CELA2B: variants seen among roughly 807,000 people sequenced by gnomAD.
CELA2B encodes the protein chymotrypsin like elastase 2B.
Under a neutral mutation model 36.5 loss-of-function variants are expected in CELA2B, and 27 were observed. The ratio of observed to expected loss-of-function variants is 0.74; its 90% CI spans 0.55 to 1.02. The LOEUF (loss-of-function observed/expected upper bound fraction) is 1.02. CELA2B is among the 50% of genes least tolerant of loss of function. CELA2B has a pLI of 0.00. For synonymous variants in CELA2B, 143 were observed against 148.5 expected (o/e 0.96, Z 0.27); for missense variants, 340 against 347.8 (o/e 0.98, Z 0.18).
Position 15,481,141 on chromosome 1 carries a change from G to A in CELA2B, c.173G>A (p.Cys58Tyr), listed in dbSNP as rs762018574. 5.6e-6 allele frequency: 9 copies of A among 1,613,480 alleles called. No homozygotes were observed. Among genetic ancestry groups the A allele is most frequent in the Non-Finnish European group, 5.9e-6 (7 of 1,180,036 alleles). ...TCCAATGGCCAGTGGTACCACACCT[G>A]CGGAGGGTCCCTGATAGCCAACAGC... is the stretch of plus-strand genomic sequence containing the variant. The part of the protein sequence containing the change: ...YSSNGQWYHT[C>Y]GGSLIANSWV... Residue 58 changes from cysteine (C) to tyrosine (Y), a missense_variant, in exon 3 of 8, where the codon TGC (cysteine) becomes TAC (tyrosine). Coordinates refer to ENST00000375910, the MANE Select transcript of CELA2B (RefSeq NM_015849.3).
chr1:15,481,455 T>C (rs1708741161), intron 3 of CELA2B, among the ~76,000 whole-genome samples: 2 of 152,198 alleles, frequency 1.3e-5, no homozygotes, highest in Admixed American at 6.5e-5. Flanking sequence ...CTCTGCCCTC[T>C]TGGGGAAACT....
intron 7 of CELA2B, among the ~76,000 whole-genome samples, chr1:15,490,434 A>G (rs1401979471): frequency 1.3e-5 from 2 of 152,248 alleles, no homozygotes; most frequent in Non-Finnish European, 2.9e-5. Flanking sequence ...TAATGAATGC[A>G]GCTTTCATGT....
intron 2 of CELA2B, among the ~76,000 whole-genome samples, chr1:15,479,779 A>T (rs144621139): frequency 7.6e-4 from 115 of 152,304 alleles, no homozygotes; most frequent in South Asian, 1.7e-3. Flanking sequence ...AGAGACTGAC[A>T]GGAAGTGAAG....
intron 4 of CELA2B, among the ~76,000 whole-genome samples, chr1:15,482,950 G>A: frequency 6.6e-6 from 1 of 152,006 alleles, no homozygotes; most frequent in Non-Finnish European, 1.5e-5. Flanking sequence ...CACAGGCCCG[G>A]CTAATCTTTT....
At position 15,481,006 on chromosome 1, in the gene CELA2B, C is replaced by T. The variant is rs988025561; in HGVS notation, c.130-92C>T. The T allele has an allele frequency of 3.2e-5, 46 of 1,448,630 alleles. No homozygotes were observed. In the African/African-American group the frequency reaches 6.0e-4, roughly 19 times the overall value. 89.7% of individuals were successfully genotyped at this position (1,448,630 alleles called of 1,614,324 possible). ...ACCTGAGGTGAGTGCCTCACTCCCC[C>T]TTACCCTTGTCCCAGCCCCGTTCTT... On this transcript the variant is annotated intron_variant, in intron 2 of 7. Coordinates refer to ENST00000375910, the MANE Select transcript of CELA2B (RefSeq NM_015849.3).
intron 7 of CELA2B, among the ~76,000 whole-genome samples, chr1:15,488,655 T>C (rs1383940110): frequency 1.3e-5 from 2 of 152,236 alleles, no homozygotes; most frequent in Non-Finnish European, 2.9e-5. Context: ...GAGGGAGTTA[T>C]GGTATTCGTG....
intron 4 of CELA2B, among the ~76,000 whole-genome samples, chr1:15,482,924 T>TA (rs1708759878): frequency 7.1e-6 from 1 of 140,456 alleles, no homozygotes; most frequent in African/African-American, 2.8e-5. Context: ...TAGCTGGGAC[T>TA]ACAAGTGCCC....
chr1:15,486,129 T>C lies in CELA2B; in HGVS notation c.639+83T>C, dbSNP rs988345508. The C allele has an allele frequency of 7.2e-6, 11 of 1,536,822 alleles. No individual in the cohort carries two copies. The African/African-American group carries it at 1.5e-4, about 21-fold the overall frequency. The stretch of plus-strand genomic sequence containing the variant: ...GAGGCTATGGAAAACCATCCCTCCA[T>C]AGGTCCATCCTCCGACCTCCTGGCA... On this transcript the variant is annotated intron_variant, in intron 6 of 7. Coordinates refer to ENST00000375910, the MANE Select transcript of CELA2B (RefSeq NM_015849.3).
intron 3 of CELA2B, 131 bp downstream of exon 3, chr1:15,481,326 A>G: frequency 9.3e-7 from 1 of 1,078,918 alleles, no homozygotes; most frequent in Non-Finnish European, 1.4e-6. Flanking sequence ...CCGAGACACA[A>G]GCTGTAGTCA....
At chr1:15,482,517 C>CTCTG (rs1258413751) in intron 4 of CELA2B, 124 bp downstream of exon 4, 8 of 1,375,364 alleles carry the variant, frequency 5.8e-6, no homozygotes, top group Non-Finnish European at 8.0e-6. Context: ...GAGAAAGGAG[C>CTCTG]TCTGGCCTAT....
intron 6 of CELA2B, 57 bp from the exon 7 acceptor site, chr1:15,487,228 T>G (rs1570812190): frequency 6.7e-7 from 1 of 1,498,806 alleles, no homozygotes; most frequent in East Asian, 2.3e-5. Flanking sequence ...GAACAATGGT[T>G]CCAATGGGCA....
At position 15,490,760 on chromosome 1, in the gene CELA2B, C is replaced by T. The variant is rs4646111; in HGVS notation, c.793-535C>T. The T allele has an allele frequency of 9.6e-4, 149 of 155,760 alleles. 3 individuals carry two copies. In the South Asian group the frequency reaches 0.027, roughly 28 times the overall value. The allele number at this position is 155,760 out of a possible 1,614,324, so 9.6% of individuals were successfully genotyped here. A position where few individuals can be genotyped will look rare whatever the true frequency, so the allele number is the denominator to read the frequency against. ...TGGTGCACACCTGTAATATCAGCTACTCGGGAGGCTAAGGCAGGAGAATCG... is the reference window on the plus strand; with the variant it reads ...TGGTGCACACCTGTAATATCAGCTATTCGGGAGGCTAAGGCAGGAGAATCG... On this transcript the variant is annotated intron_variant, in intron 7 of 7. Transcript: ENST00000375910.
At chr1:15,479,560 A>G (rs1233536541) in intron 2 of CELA2B, among the ~76,000 whole-genome samples, 1 of 152,216 alleles carries the variant, frequency 6.6e-6, no homozygotes, top group African/African-American at 2.4e-5. Flanking sequence ...AATAAAATAA[A>G]TAAAGTGGAA....
intron 3 of CELA2B, chr1:15,481,663 C>T (rs1376133826): frequency 2.1e-6 from 1 of 472,370 alleles, no homozygotes; most frequent in Admixed American, 2.3e-5. Flanking sequence ...TAAAGGCCCA[C>T]AAGGTTCTGC....
chr1:15,487,362 G>A lies in CELA2B; in HGVS notation c.717G>A (p.Ser239=), dbSNP rs1035111607. 12 of 1,614,196 alleles carry A rather than the reference G, an allele frequency of 7.4e-6. No homozygotes were observed. Among genetic ancestry groups the A allele is most frequent in the South Asian group, 6.6e-5 (6 of 91,086 alleles). ...WEVHGIGSLT[S]VLGCNYYYKP... ...TGCATGGCATCGGCAGCCTCACGTC[G>A]GTCCTTGGTTGCAACTACTACTACA... Residue 239 remains serine, a synonymous_variant, in exon 7 of 8, where the codon TCG becomes TCA. Coordinates refer to ENST00000375910, the MANE Select transcript of CELA2B (RefSeq NM_015849.3).
rs138011387 is a variant in CELA2B, at chr1:15,487,676, G to C, written c.792+239G>C. On this transcript the variant is annotated intron_variant, in intron 7 of 7. Coordinates refer to ENST00000375910, the MANE Select transcript of CELA2B (RefSeq NM_015849.3). ...AGTATGGCCTTGTCCAAAGACGTTG[G>C]ACACTCCTCAGGTACGTTAAGAGTG... Among the ~76,000 whole-genome samples, 22 of 152,312 alleles carry C rather than the reference G, an allele frequency of 1.4e-4. 1 individual carries two copies. The East Asian group carries it at 4.2e-3, about 29-fold the overall frequency.
chr1:15,478,607 C>T (rs1421966029), intron 2 of CELA2B, among the ~76,000 whole-genome samples: 1 of 149,740 alleles, frequency 6.7e-6, no homozygotes, highest in Non-Finnish European at 1.5e-5. Context: ...ACTCTGTCAC[C>T]CAGGCTGGAG....
At chr1:15,477,357 G>A (rs1300591049) in intron 2 of CELA2B, among the ~76,000 whole-genome samples, 5 of 152,094 alleles carry the variant, frequency 3.3e-5, no homozygotes, top group African/African-American at 7.2e-5. Context: ...ACGTGTTAAC[G>A]GTGGGAATTT....
chr1:15,485,662 C>CA (rs1249414621), intron 5 of CELA2B, among the ~76,000 whole-genome samples: 7 of 152,356 alleles, frequency 4.6e-5, no homozygotes, highest in African/African-American at 1.7e-4. Context: ...GTCCCCATCT[C>CA]AAAATCTCAG....
Sources: gnomAD v4.1 joint callset for allele counts (sites outside exome capture counted in the v4.1 genomes callset) on GRCh38, gnomAD v4.1.1 for gene constraint, MANE v1.5 for transcripts, NCBI Gene and HGNC (gene_info 2026-07-23, HGNC 2026-07-21) for gene names.